The following SPAG9 variants were observed in gnomAD, a reference collection of about 807,000 sequenced individuals.
The protein encoded by SPAG9 is sperm associated antigen 9.
SPAG9 carries 35 observed loss-of-function variants against 166.5 expected under a neutral mutation model. The observed-to-expected ratio is 0.21, with a 90% CI of 0.16 to 0.28. The LOEUF (loss-of-function observed/expected upper bound fraction) is 0.28, where lower values mean the gene tolerates loss of function less well. Among genes scored for constraint, SPAG9 ranks in the 10% least tolerant of loss-of-function variants. The probability of loss-of-function intolerance (pLI) is 1.00; values close to 1 mark genes in which losing one functional copy is unlikely to be tolerated. For missense variants in SPAG9, 1,235 were observed against 1,603.3 expected, an observed-to-expected ratio of 0.77 and a Z score of 3.92; for synonymous variants, 534 against 565.5, an observed-to-expected ratio of 0.94 and a Z score of 0.79.
intron 27 of SPAG9, chr17:50,976,901 CA>C (rs1403708552): frequency 2.4e-6 from 1 of 420,082 alleles, no homozygotes; most frequent in East Asian, 4.3e-5. Context: ...AATGTTTTGA[CA>C]ACGAAAAACT....
chr17:51,033,229 C>T (rs2046453098), intron 5 of SPAG9, among the ~76,000 whole-genome samples: 1 of 148,678 alleles, frequency 6.7e-6, no homozygotes, highest in Non-Finnish European at 1.5e-5. Flanking sequence ...TTTAATCATT[C>T]TCTTCATCAA....
At chr17:50,989,631 T>G in intron 21 of SPAG9, 46 bp downstream of exon 21, 1 of 1,493,424 alleles carries the variant, frequency 6.7e-7, no homozygotes, top group Non-Finnish European at 9.3e-7. Flanking sequence ...TTCCTTTTAT[T>G]TGTGCACTTC....
At position 51,031,609 on chromosome 17, in the gene SPAG9, A is replaced by T. The variant is rs182487406; in HGVS notation, c.783+72T>A. On this transcript the variant is annotated intron_variant, in intron 6 of 29. Transcript: ENST00000262013. The stretch of plus-strand genomic sequence containing the variant: ...GAGCATCTGATGTCTTGAGAATAGC[A>T]GTTGAGGAAGTAATCAATAGTTAAT... The T allele has an allele frequency of 1.1e-4, 109 of 1,009,794 alleles. No homozygotes were observed. In the East Asian group the frequency reaches 2.4e-3, roughly 22 times the overall value. 62.6% of individuals were successfully genotyped at this position (1,009,794 alleles called of 1,614,324 possible).
At position 50,979,818 on chromosome 17, in the gene SPAG9, G is replaced by A. The variant is rs769392499; in HGVS notation, c.3337C>T (p.Arg1113Cys). 4.3e-6 allele frequency: 7 copies of A among 1,614,042 alleles called. No homozygotes were observed. Among genetic ancestry groups the A allele is most frequent in the Middle Eastern group, 1.6e-4 (1 of 6,084 alleles). ...WVSIRLDSTL[R>C]LYHAHTYQHL... The stretch of plus-strand genomic sequence containing the variant: ...TGATAAGTGTGTGCATGATAGAGAC[G>A]GAGCGTAGAATCCAAGCGAATGGAG... The change falls in exon 26 of 30, where the codon CGT (arginine) becomes TGT (cysteine). Residue 1113 changes from arginine (R) to cysteine (C), a missense_variant. Arg to Cys is a radical substitution (Grantham distance 180). Coordinates refer to ENST00000262013, the MANE Select transcript of SPAG9 (RefSeq NM_001130528.3).
Position 50,962,450 on chromosome 17 carries a change from T to C in SPAG9, c.*3822A>G, listed in dbSNP as rs1337145289. Reference sequence around the variant, plus strand: ...AGATATATTCAAATAGAGAAATGTATGACAAAATTAATAAAACTTAATCTT... The same window carrying C: ...AGATATATTCAAATAGAGAAATGTACGACAAAATTAATAAAACTTAATCTT... On this transcript the variant is annotated 3_prime_UTR_variant, in exon 30 of 30. Coordinates refer to ENST00000262013, the MANE Select transcript of SPAG9 (RefSeq NM_001130528.3). 1 of 152,356 alleles carries C rather than the reference T, an allele frequency of 6.6e-6. No individual in the cohort carries two copies. The highest frequency in any genetic ancestry group is 2.1e-4 in the South Asian group (1 of 4,832). 9.4% of individuals were successfully genotyped at this position (152,356 alleles called of 1,614,324 possible). A position where few individuals can be genotyped will look rare whatever the true frequency, so the allele number is the denominator to read the frequency against.
At chr17:51,022,058 G>A (rs2045959410) in intron 6 of SPAG9, among the ~76,000 whole-genome samples, 2 of 150,972 alleles carry the variant, frequency 1.3e-5, no homozygotes, top group Non-Finnish European at 2.9e-5. Context: ...GGGAGGCGGA[G>A]GTTGCAGTGA....
At chr17:51,086,078 C>A (rs1273620583) in intron 1 of SPAG9, among the ~76,000 whole-genome samples, 1 of 148,288 alleles carries the variant, frequency 6.7e-6, no homozygotes, top group Non-Finnish European at 1.5e-5. Context: ...AAGCAGTTCT[C>A]GTGCTTCAGC....
chr17:50,987,362 T>C (rs1027836045), intron 21 of SPAG9, 125 bp from the exon 22 acceptor site: 11 of 865,740 alleles, frequency 1.3e-5, no homozygotes, highest in South Asian at 2.0e-5. Flanking sequence ...TTTTTAGAGA[T>C]AGGGTATCAC....
chr17:50,990,947 G>A (rs1429878106), intron 19 of SPAG9, among the ~76,000 whole-genome samples: 4 of 142,250 alleles, frequency 2.8e-5, no homozygotes, highest in Non-Finnish European at 6.0e-5. Context: ...TTACTCTGTC[G>A]CCCAGGCTGG....
intron 4 of SPAG9, among the ~76,000 whole-genome samples, chr17:51,042,269 C>T (rs570083384): frequency 3.9e-5 from 6 of 152,236 alleles, no homozygotes; most frequent in Non-Finnish European, 7.4e-5. Flanking sequence ...AAACCATTGT[C>T]GGTTTTTTCC....
chr17:51,058,329 C>T (rs2047414236), intron 2 of SPAG9, among the ~76,000 whole-genome samples: 1 of 152,190 alleles, frequency 6.6e-6, no homozygotes, highest in African/African-American at 2.4e-5. Flanking sequence ...TATAAACTAA[C>T]TTATTTGAGC....
chr17:50,998,607 G>C lies in SPAG9; in HGVS notation c.1675C>G (p.Leu559Val). 1 of 1,614,022 alleles carries C rather than the reference G, an allele frequency of 6.2e-7. No homozygotes were observed. The change falls in exon 15 of 30, where the codon CTT becomes GTT. Residue 559 changes from leucine to valine, a missense_variant. Transcript: ENST00000262013. ...GTCGTGTTACTTGAGGAGCTGAAAA[G>C]TCGGCTGAAACTAAAAGAAGACAGT... ...RSSIWQFFSR[L>V]FSSSSNTTKK...
chr17:50,994,356 C>G (rs1271418913), intron 18 of SPAG9, among the ~76,000 whole-genome samples: 2 of 152,094 alleles, frequency 1.3e-5, no homozygotes, highest in Non-Finnish European at 2.9e-5. Context: ...TATGTAAGCC[C>G]AATTAAACCT....
rs1330114632 is a variant in SPAG9 at position 50,982,714 on chromosome 17, G to T, written c.3089-42C>A. 4 of 1,511,572 alleles carry T rather than the reference G, an allele frequency of 2.6e-6. No homozygotes were observed. The African/African-American group carries it at 5.6e-5, about 21-fold the overall frequency. 93.6% of individuals were successfully genotyped at this position (1,511,572 alleles called of 1,614,324 possible). A position where few individuals can be genotyped will look rare whatever the true frequency, so the allele number is the denominator to read the frequency against. ...AGGTTATAGTAAATACATACCACCTGTTACTCAATTTCAACACAAGAAACA... is the reference window on the plus strand; with the variant it reads ...AGGTTATAGTAAATACATACCACCTTTTACTCAATTTCAACACAAGAAACA... On this transcript the variant is annotated intron_variant, in intron 24 of 29. Coordinates refer to ENST00000262013, the MANE Select transcript of SPAG9 (RefSeq NM_001130528.3).
intron 1 of SPAG9, among the ~76,000 whole-genome samples, chr17:51,096,745 G>A (rs894751090): frequency 1.3e-5 from 2 of 152,096 alleles, no homozygotes; most frequent in Non-Finnish European, 2.9e-5. Context: ...TATCAACATG[G>A]ACAGATCAAC....
Position 51,021,307 on chromosome 17 carries a change from G to C in SPAG9, c.842C>G (p.Ala281Gly). The C allele has an allele frequency of 6.2e-7, 1 of 1,614,038 alleles. No individual in the cohort carries two copies. Among genetic ancestry groups the C allele is most frequent in the Non-Finnish European group, 8.5e-7 (1 of 1,179,944 alleles). Reference sequence around the variant, plus strand: ...AGGAATTGTTGCCACATCTGAATTAGCTGTTGATGCTGGAGTGGTAGCTTT... The same window carrying C: ...AGGAATTGTTGCCACATCTGAATTACCTGTTGATGCTGGAGTGGTAGCTTT... ...GSKATTPASTANSDVATIPTD... is the reference protein window; with the variant it reads ...GSKATTPASTGNSDVATIPTD... The change falls in exon 7 of 30, where the codon GCT becomes GGT. Residue 281 changes from alanine to glycine, a missense_variant. Around this residue, in one of 6 missense-constraint regions of SPAG9, gnomAD observed 288 missense variants for 323.7 expected, o/e 0.89. Transcript: ENST00000262013.
At chr17:50,995,765 G>T (rs146447130) in intron 16 of SPAG9, 3 of 431,872 alleles carry the variant, frequency 6.9e-6, no homozygotes, top group Non-Finnish European at 1.2e-5. Context: ...AGGCTTAAGC[G>T]GTCCCCTCCC....
Position 51,041,715 on chromosome 17 carries a change from A to G in SPAG9, c.591-64T>C, listed in dbSNP as rs541741575. On this transcript the variant is annotated intron_variant, in intron 4 of 29. Transcript: ENST00000262013. ...TTTTGACTTTTTATTTGCCATGACT[A>G]TAAGTAATAAGCCTGGACTGCCACT... 2.5e-4 allele frequency: 372 copies of G among 1,480,418 alleles called. 7 individuals are homozygous for G. The South Asian group carries it at 3.6e-3, about 14-fold the overall frequency. 91.7% of individuals were successfully genotyped at this position (1,480,418 alleles called of 1,614,324 possible).
chr17:51,062,310 G>A (rs2047539950), intron 2 of SPAG9, among the ~76,000 whole-genome samples: 1 of 151,966 alleles, frequency 6.6e-6, no homozygotes, highest in Non-Finnish European at 1.5e-5. Context: ...ATTACATTAG[G>A]GTACACTCGT....
Sources: allele counts gnomAD v4.1 joint callset (sites outside exome capture counted in the v4.1 genomes callset), GRCh38; gene constraint gnomAD v4.1.1; regional missense constraint gnomAD v4.1.1; transcripts MANE v1.5; gene names NCBI Gene and HGNC (gene_info 2026-07-23, HGNC 2026-07-21).